FRMD6: variants seen among roughly 807,000 people sequenced by gnomAD.
The protein encoded by FRMD6 is FERM domain containing 6.
A neutral mutation model predicts 73.2 loss-of-function variants in FRMD6; 37 were observed. That is an observed-to-expected ratio of 0.51 (90% CI 0.39 to 0.66). The LOEUF is 0.66. Among genes scored for constraint, FRMD6 ranks in the 30% least tolerant of loss-of-function variants. FRMD6 has a pLI of 0.00. For synonymous variants in FRMD6, 273 were observed against 282.2 expected (o/e 0.97, Z 0.33); for missense variants, 714 against 780.5 (o/e 0.91, Z 1.02).
the FRMD6 span, among the ~76,000 whole-genome samples, chr14:51,463,808 T>C: frequency 6.6e-6 from 1 of 152,210 alleles, no homozygotes; most frequent in Non-Finnish European, 1.5e-5. Flanking sequence ...TCCTGAGTTT[T>C]TCTTTTCTGT....
At position 51,503,913 on chromosome 14, in the gene FRMD6, A is replaced by G. The variant is rs1027012600; in HGVS notation, c.-210+14493A>G. Among the ~76,000 whole-genome samples the G allele has an allele frequency of 5.9e-5, 9 of 151,630 alleles. 1 individual carries two copies. The stretch of plus-strand genomic sequence containing the variant: ...TATTACTACCTCAATTTCAGAAATC[A>G]TTATTGGTCTATTCAGGGATTCAAT... On this transcript the variant is annotated intron_variant, in intron 1 of 14. Coordinates refer to the FRMD6 transcript ENST00000356218.
At chr14:51,565,749 C>T (rs1021088475) in intron 1 of FRMD6, among the ~76,000 whole-genome samples, 3 of 152,026 alleles carry the variant, frequency 2.0e-5, no homozygotes, top group South Asian at 2.1e-4. Context: ...CTAGAGGTGG[C>T]GAGGCCTTAG....
chr14:51,618,116 C>T (rs1481544679), intron 2 of FRMD6, among the ~76,000 whole-genome samples: 1 of 152,026 alleles, frequency 6.6e-6, no homozygotes, highest in African/African-American at 2.4e-5. Context: ...AGAGAAGAAC[C>T]AGGTGTTATC....
At chr14:51,612,802 C>A (rs538187656) in intron 2 of FRMD6, among the ~76,000 whole-genome samples, 13 of 152,274 alleles carry the variant, frequency 8.5e-5, no homozygotes, top group African/African-American at 2.6e-4. Flanking sequence ...TAAACCCCTA[C>A]CAGTTCTCAG....
the FRMD6 span, among the ~76,000 whole-genome samples, chr14:51,462,361 G>A: frequency 0.13 from 20,222 of 152,222 alleles, 1,514 homozygotes; most frequent in Non-Finnish European, 0.17. Context: ...TGCTGTGTAC[G>A]TGGTAAGAAA....
chr14:51,484,487 G>C (rs980288275), upstream of FRMD6, among the ~76,000 whole-genome samples: 3 of 151,970 alleles, frequency 2.0e-5, no homozygotes, highest in Non-Finnish European at 4.4e-5. Flanking sequence ...TAACGAACAA[G>C]AAAACTTCAC....
intron 2 of FRMD6, among the ~76,000 whole-genome samples, chr14:51,627,226 G>A (rs997148964): frequency 6.6e-6 from 1 of 152,118 alleles, no homozygotes; most frequent in Non-Finnish European, 1.5e-5. Context: ...ATCAAGCCCT[G>A]CACTAGCCAA....
At chr14:51,414,655 A>G in the FRMD6 span, among the ~76,000 whole-genome samples, 2 of 152,158 alleles carry the variant, frequency 1.3e-5, no homozygotes, top group African/African-American at 4.8e-5. Flanking sequence ...TTGGTTTCAT[A>G]TGAACTTTAA....
the FRMD6 span, among the ~76,000 whole-genome samples, chr14:51,420,260 C>G: frequency 1.3e-5 from 2 of 152,200 alleles, no homozygotes; most frequent in African/African-American, 4.8e-5. Context: ...ACTATTGTCA[C>G]AGCAGCTAAT....
intron 5 of FRMD6, 140 bp downstream of exon 5, chr14:51,702,728 T>C (rs933551369): frequency 2.2e-5 from 14 of 638,326 alleles, no homozygotes; most frequent in Non-Finnish European, 3.2e-5. Flanking sequence ...TTTTTTTCTT[T>C]TTAATATTTT....
rs10672446 is a variant in FRMD6 at position 51,550,588 on chromosome 14, G to GC, written c.-209-19758dup. 3.1e-3 allele frequency among the ~76,000 whole-genome samples: 469 copies of GC among 150,538 alleles called. 2 individuals carry two copies. Among genetic ancestry groups the GC allele is most frequent in the Non-Finnish European group, 5.5e-3 (373 of 67,724 alleles). On this transcript the variant is annotated intron_variant, in intron 1 of 14. Coordinates refer to the FRMD6 transcript ENST00000356218. Reference sequence around the variant, plus strand: ...GGGCAGCTTGGGAGGAGACCCCCCCGCCATGCTTATAGCTTGAATGGATTC... The same window carrying GC: ...GGGCAGCTTGGGAGGAGACCCCCCCGCCCATGCTTATAGCTTGAATGGATTC...
chr14:51,533,758 C>T (rs1885728186), intron 1 of FRMD6, among the ~76,000 whole-genome samples: 1 of 152,144 alleles, frequency 6.6e-6, no homozygotes, highest in Admixed American at 6.5e-5. Flanking sequence ...CCCTTAGACC[C>T]AGGTTTCCTG....
intron 10 of FRMD6, among the ~76,000 whole-genome samples, chr14:51,719,381 T>C (rs1897409686): frequency 6.6e-6 from 1 of 152,252 alleles, no homozygotes; most frequent in African/African-American, 2.4e-5. Context: ...TGATAAAGCC[T>C]CACTAATTCA....
rs190567770 is a variant in FRMD6 at position 51,729,616 on chromosome 14, A to G, written c.*1587A>G. ...TTAAAAAAACTATATATTATTTTCT[A>G]AAGAAACAATCATATTTTTATACAA... On this transcript the variant is annotated 3_prime_UTR_variant, in exon 14 of 14. Coordinates refer to ENST00000344768, the MANE Select transcript of FRMD6 (RefSeq NM_001267046.2). 2.4e-3 allele frequency: 364 copies of G among 152,764 alleles called. 1 individual carries two copies. Among genetic ancestry groups the G allele is most frequent in the African/African-American group, 8.4e-3 (351 of 41,570 alleles). 9.5% of individuals were successfully genotyped at this position (152,764 alleles called of 1,614,324 possible).
Position 51,699,743 on chromosome 14 carries a change from A to AAT in FRMD6, c.191-1304_191-1303dup, listed in dbSNP as rs1327287630. ...GGCAGAGGTATAGTGGCAGTTTAAA[A>AAT]ATATATATATGTACTATTATGGTGA... On this transcript the variant is annotated intron_variant, in intron 3 of 13. Transcript: ENST00000344768. 3.3e-5 allele frequency among the ~76,000 whole-genome samples: 5 copies of AAT among 152,108 alleles called. No individual in the cohort carries two copies. In the East Asian group the frequency reaches 9.7e-4, roughly 29 times the overall value.
chr14:51,477,830 C>T, the FRMD6 span, among the ~76,000 whole-genome samples: 1 of 151,810 alleles, frequency 6.6e-6, no homozygotes, highest in Non-Finnish European at 1.5e-5. Flanking sequence ...ACCTCTGTCC[C>T]TGGGGTTCAA....
intron 2 of FRMD6, among the ~76,000 whole-genome samples, chr14:51,629,883 A>G (rs918293229): frequency 6.6e-6 from 1 of 152,168 alleles, no homozygotes; most frequent in Non-Finnish European, 1.5e-5. Flanking sequence ...TTCCAGCTCT[A>G]AAACAAGGAG....
chr14:51,601,392 T>G (rs1405450569), intron 2 of FRMD6, among the ~76,000 whole-genome samples: 3 of 152,186 alleles, frequency 2.0e-5, no homozygotes, highest in Non-Finnish European at 2.9e-5. Context: ...TAACTTATCT[T>G]TCTTTGCCTA....
intron 6 of FRMD6, 148 bp downstream of exon 6, chr14:51,705,083 G>T (rs540552825): frequency 1.5e-6 from 1 of 664,942 alleles, no homozygotes; most frequent in South Asian, 2.0e-5. Flanking sequence ...GCTTAAGAAC[G>T]TGGTGCACAT....
Sources: allele counts gnomAD v4.1 joint callset (sites outside exome capture counted in the v4.1 genomes callset), GRCh38; gene constraint gnomAD v4.1.1; transcripts MANE v1.5; gene names NCBI Gene and HGNC (gene_info 2026-07-23, HGNC 2026-07-21).